PPP4R1: variants seen among roughly 807,000 people sequenced by gnomAD.
PPP4R1 encodes serine/threonine-protein phosphatase 4 regulatory subunit 1.
A neutral mutation model predicts 111.2 loss-of-function variants in PPP4R1; 42 were observed. The observed-to-expected ratio is 0.38, with a 90% CI of 0.29 to 0.49. The LOEUF is 0.49. PPP4R1 is among the 20% of genes least tolerant of loss of function. PPP4R1 has a pLI of 0.97. For synonymous variants in PPP4R1, 409 were observed against 405.5 expected, an observed-to-expected ratio of 1.01 and a Z score of -0.10; for missense variants, 1,012 against 1,161.6, an observed-to-expected ratio of 0.87 and a Z score of 1.87.
intron 16 of PPP4R1, chr18:9,551,045 A>G (rs1289172101): frequency 6.6e-6 from 1 of 152,358 alleles, no homozygotes; most frequent in African/African-American, 2.4e-5. Context: ...CAACTGTAAC[A>G]TGAATATAGA....
intron 16 of PPP4R1, among the ~76,000 whole-genome samples, chr18:9,552,748 C>A (rs558614528): frequency 6.6e-6 from 1 of 152,302 alleles, no homozygotes; most frequent in Admixed American, 6.5e-5. Context: ...ACACCCCCAA[C>A]CCAAATGTTC....
chr18:9,550,546 G>A, intron 16 of PPP4R1, 148 bp from the exon 17 acceptor site: 1 of 841,488 alleles, frequency 1.2e-6, no homozygotes, highest in South Asian at 1.8e-5. Flanking sequence ...GACCTCTCCT[G>A]TACAGTTACC....
In PPP4R1 at chr18:9,604,855, A is replaced by T. The variant is rs372090065; in HGVS notation, c.52+9371T>A. Among the ~76,000 whole-genome samples, 13 of 152,326 alleles carry T rather than the reference A, an allele frequency of 8.5e-5. No homozygotes were observed. In the South Asian group the frequency reaches 1.0e-3, roughly 12 times the overall value. ...TGCTTCTCATGGAGGCACATTCATT[A>T]ATATTTGTTAATGAAAATGTAGTCC... On this transcript the variant is annotated intron_variant, in intron 2 of 19. Coordinates refer to ENST00000400556, the MANE Select transcript of PPP4R1 (RefSeq NM_001042388.3).
chr18:9,611,228 C>T (rs2067574037), intron 2 of PPP4R1, among the ~76,000 whole-genome samples: 1 of 152,166 alleles, frequency 6.6e-6, no homozygotes, highest in Non-Finnish European at 1.5e-5. Flanking sequence ...CCAACTTACA[C>T]CTAGCTTGGC....
At chr18:9,583,071 C>T (rs755437183) in intron 9 of PPP4R1, 46 bp downstream of exon 9, 26 of 1,467,250 alleles carry the variant, frequency 1.8e-5, no homozygotes, top group Middle Eastern at 1.8e-4. Context: ...TGCTTTAAAA[C>T]GGACACAAAT....
rs370878700 is a variant in PPP4R1, at chr18:9,593,735, A to G, written c.295+33T>C. On this transcript the variant is annotated intron_variant, in intron 4 of 19. Coordinates refer to ENST00000400556, the MANE Select transcript of PPP4R1 (RefSeq NM_001042388.3). ...CAAATTTGATCAAAGAAGCCTTTCT[A>G]GAATAGAGTAAATTCACTTTCTCCA... is the stretch of plus-strand genomic sequence containing the variant. 43 of 1,577,166 alleles carry G rather than the reference A, an allele frequency of 2.7e-5. No individual in the cohort carries two copies. In the African/African-American group the frequency reaches 4.7e-4, roughly 17 times the overall value.
chr18:9,612,638 T>C (rs2145376268), intron 2 of PPP4R1: 1 of 152,316 alleles, frequency 6.6e-6, no homozygotes, highest in East Asian at 1.9e-4. Context: ...AAGTCGAACA[T>C]AAATATAAAA....
intron 9 of PPP4R1, among the ~76,000 whole-genome samples, chr18:9,582,820 C>T (rs2145186683): frequency 6.6e-6 from 1 of 152,250 alleles, no homozygotes; most frequent in Non-Finnish European, 1.5e-5. Context: ...AATTATACAA[C>T]TATGACCAAG....
chr18:9,557,450 TA>T (rs1278124738), intron 14 of PPP4R1, 68 bp from the exon 15 acceptor site: 23 of 1,358,722 alleles, frequency 1.7e-5, no homozygotes, highest in Non-Finnish European at 2.3e-5. Context: ...TTAGGCAATA[TA>T]CAAAGGCTAA....
chr18:9,579,517 C>CGTGTGT (rs3974278), intron 9 of PPP4R1, among the ~76,000 whole-genome samples: 26,081 of 147,690 alleles, frequency 0.18, 2,321 homozygotes, highest in Admixed American at 0.21. Flanking sequence ...AGGATTTACA[C>CGTGTGT]GTGTGTGTGT....
chr18:9,611,330 T>C (rs1010055472), intron 2 of PPP4R1, among the ~76,000 whole-genome samples: 2 of 152,122 alleles, frequency 1.3e-5, no homozygotes, highest in Non-Finnish European at 2.9e-5. Flanking sequence ...GCTCACGAGA[T>C]AACAACCGTG....
chr18:9,613,905 T>G (rs2067631713), intron 2 of PPP4R1: 1 of 192,872 alleles, frequency 5.2e-6, no homozygotes, highest in South Asian at 1.9e-4. Flanking sequence ...CTTCAAATCC[T>G]GCCCCACCGC....
intron 13 of PPP4R1, among the ~76,000 whole-genome samples, chr18:9,560,264 G>A (rs2066651965): frequency 6.6e-6 from 1 of 152,192 alleles, no homozygotes; most frequent in Non-Finnish European, 1.5e-5. Context: ...CTGGGCGACA[G>A]AGTGAGACTC....
At chr18:9,561,341 C>G (rs1275244287) in intron 13 of PPP4R1, among the ~76,000 whole-genome samples, 1 of 151,942 alleles carries the variant, frequency 6.6e-6, no homozygotes, top group Non-Finnish European at 1.5e-5. Context: ...GAAACTACAA[C>G]GAGTAGCATC....
At chr18:9,551,329 C>G (rs79853483) in intron 16 of PPP4R1, 1 of 152,174 alleles carries the variant, frequency 6.6e-6, no homozygotes, top group African/African-American at 2.4e-5. Flanking sequence ...CAGCAGAGCC[C>G]GGATGGACAG....
rs2067250384 is a variant in PPP4R1, at chr18:9,593,866, A to C, written c.197T>G (p.Val66Gly). ...ASENIFNRQM[V>G]ARSLLDTLRE... The stretch of plus-strand genomic sequence containing the variant: ...CAAGGTATCGAGCAAACTCCGGGCC[A>C]CCATTTGTCTACACAAAAAAAACAA... The change falls in exon 4 of 20, where the codon GTG becomes GGG. Residue 66 changes from valine (V) to glycine (G), a missense_variant. By Grantham distance (109) the Val-to-Gly change is moderately radical (BLOSUM62 -3). Coordinates refer to ENST00000400556, the MANE Select transcript of PPP4R1 (RefSeq NM_001042388.3). 1.9e-6 allele frequency: 3 copies of C among 1,613,402 alleles called. No individual in the cohort carries two copies. Among genetic ancestry groups the C allele is most frequent in the Non-Finnish European group, 1.7e-6 (2 of 1,179,730 alleles).
At chr18:9,591,524 T>G (rs1218987980) in intron 4 of PPP4R1, among the ~76,000 whole-genome samples, 1 of 152,066 alleles carries the variant, frequency 6.6e-6, no homozygotes, top group African/African-American at 2.4e-5. Context: ...AGATAAAAGC[T>G]AATGAAAGGT....
chr18:9,568,277 A>C (rs540385860), intron 11 of PPP4R1, among the ~76,000 whole-genome samples: 1 of 152,302 alleles, frequency 6.6e-6, no homozygotes, highest in South Asian at 2.1e-4. Context: ...CTTCTGCCTC[A>C]GCCTCCCAGG....
At chr18:9,564,697 GGTGTGTGTGT>G (rs1178823297) in intron 11 of PPP4R1, among the ~76,000 whole-genome samples, 13 of 93,578 alleles carry the variant, frequency 1.4e-4, no homozygotes, top group East Asian at 5.9e-4. Context: ...TAAAGTGCAT[GGTGTGTGTGT>G]GTGTGTGTGT....
Sources: allele counts gnomAD v4.1 joint callset (sites outside exome capture counted in the v4.1 genomes callset), GRCh38; gene constraint gnomAD v4.1.1; transcripts MANE v1.5; gene names NCBI Gene and HGNC (gene_info 2026-07-23, HGNC 2026-07-21).